Variants in UTP20 observed in about 807,000 individuals in gnomAD.
The protein encoded by UTP20 is small subunit processome component 20 homolog.
A neutral mutation model predicts 329.5 loss-of-function variants in UTP20; 164 were observed. That is an observed-to-expected ratio of 0.50 (90% CI 0.44 to 0.57). The LOEUF (loss-of-function observed/expected upper bound fraction) is 0.57, where lower values mean the gene tolerates loss of function less well. Ranked by LOEUF, UTP20 falls within the 20% of genes least tolerant of loss-of-function variation. The probability of loss-of-function intolerance (pLI) is 0.00; values close to 1 mark genes in which losing one functional copy is unlikely to be tolerated. For missense variants in UTP20, 3,055 were observed against 3,284.2 expected, an observed-to-expected ratio of 0.93 and a Z score of 1.71; for synonymous variants, 1,151 against 1,159.3, an observed-to-expected ratio of 0.99 and a Z score of 0.14.
chr12:101,305,827 T>C, intron 15 of UTP20, 88 bp from the exon 16 acceptor site: 1 of 1,344,170 alleles, frequency 7.4e-7, no homozygotes, highest in Non-Finnish European at 9.7e-7. Context: ...ATTTTCTTCA[T>C]CAGTGATCAT....
Position 101,361,974 on chromosome 12 carries a change from A to C in UTP20, c.5704A>C (p.Thr1902Pro), listed in dbSNP as rs775922525. 12 of 1,613,458 alleles carry C rather than the reference A, an allele frequency of 7.4e-6. No homozygotes were observed. The African/African-American group carries it at 1.5e-4, about 20-fold the overall frequency. ...LVRGYQVHVL[T>P]FTVHMLLQGL... ...TGTCTCATGTTAGGTCCATGTGCTG[A>C]CTTTCACCGTTCACATGCTGCTGCA... The change falls in exon 44 of 62, where the codon ACT becomes CCT. Residue 1902 changes from threonine (T) to proline (P), a missense_variant. Around this residue, in one of 3 missense-constraint regions of UTP20, gnomAD observed 2,445 missense variants for 2,575.5 expected, o/e 0.95. Transcript: ENST00000261637.
At position 101,299,666 on chromosome 12, in the gene UTP20, T is replaced by G. The variant is rs1872462458; in HGVS notation, c.1431-16T>G. On this transcript the variant is annotated splice_polypyrimidine_tract_variant and intron_variant, in intron 12 of 61. Coordinates refer to ENST00000261637, the MANE Select transcript of UTP20 (RefSeq NM_014503.3). ...TACATTCTCTGTTATTTTAAACATTTTTTTTAATCCTTCAGATTCTATATA... is the reference window on the plus strand; with the variant it reads ...TACATTCTCTGTTATTTTAAACATTGTTTTTAATCCTTCAGATTCTATATA... 32 of 1,554,600 alleles carry G rather than the reference T, an allele frequency of 2.1e-5. No homozygotes were observed. The highest frequency in any genetic ancestry group is 2.7e-5 in the Non-Finnish European group (31 of 1,156,080).
At chr12:101,328,529 CAGT>C (rs10604452) in intron 26 of UTP20, among the ~76,000 whole-genome samples, 29,201 of 152,014 alleles carry the variant, frequency 0.19, 3,191 homozygotes, top group East Asian at 0.37. Flanking sequence ...CTGCCAAACT[CAGT>C]AGAGCTGAAT....
At chr12:101,324,328 C>G (rs1417310646) in intron 25 of UTP20, among the ~76,000 whole-genome samples, 1 of 151,864 alleles carries the variant, frequency 6.6e-6, no homozygotes, top group African/African-American at 2.4e-5. Context: ...GCCTCGATCT[C>G]TTGGGCTCGA....
chr12:101,302,196 G>T (rs1201839868), intron 14 of UTP20, among the ~76,000 whole-genome samples: 1 of 152,148 alleles, frequency 6.6e-6, no homozygotes, highest in Non-Finnish European at 1.5e-5. Flanking sequence ...CCCCCAAAGT[G>T]CTGGGATTAC....
chr12:101,334,985 G>C (rs1868887141), intron 29 of UTP20, among the ~76,000 whole-genome samples: 1 of 150,918 alleles, frequency 6.6e-6, no homozygotes, highest in Non-Finnish European at 1.5e-5. Flanking sequence ...AAAAAAAAAA[G>C]ATAAAAAGAT....
chr12:101,306,611 G>A, intron 16 of UTP20, 88 bp from the exon 17 acceptor site: 2 of 1,226,912 alleles, frequency 1.6e-6, no homozygotes, highest in East Asian at 2.4e-5. Context: ...TTTTTAAATT[G>A]TATAAAACTT....
At position 101,291,846 on chromosome 12, in the gene UTP20, T is replaced by C. The variant is rs1354049052; in HGVS notation, c.996T>C (p.His332=). The change falls in exon 9 of 62, where the codon CAT becomes CAC. Residue 332 remains histidine, a synonymous_variant. Transcript: ENST00000261637. The part of the protein sequence containing the change: ...LLETYLILVK[H]GSGTKIPTPA... ...AAACATACCTTATACTTGTAAAACA[T>C]GGAAGTGGGACAAAGATACCCACGC... 1 of 1,613,898 alleles carries C rather than the reference T, an allele frequency of 6.2e-7. No individual in the cohort carries two copies. Among genetic ancestry groups the C allele is most frequent in the South Asian group, 1.1e-5 (1 of 90,970 alleles).
At chr12:101,294,022 AT>A (rs773285111) in intron 11 of UTP20, among the ~76,000 whole-genome samples, 2 of 150,798 alleles carry the variant, frequency 1.3e-5, no homozygotes, top group African/African-American at 4.9e-5. Flanking sequence ...ATTTTTAGCT[AT>A]TTTTTTTCTT....
intron 17 of UTP20, among the ~76,000 whole-genome samples, chr12:101,307,325 A>G (rs1051552669): frequency 2.7e-5 from 4 of 148,614 alleles, no homozygotes; most frequent in Non-Finnish European, 5.9e-5. Flanking sequence ...ACACACACAC[A>G]TAATTTAAAC....
intron 47 of UTP20, 91 bp downstream of exon 47, chr12:101,366,790 T>C (rs1218541395): frequency 1.4e-6 from 2 of 1,449,472 alleles, no homozygotes; most frequent in East Asian, 2.3e-5. Flanking sequence ...CTCACTTCCA[T>C]TGGAAATGCC....
intron 38 of UTP20, among the ~76,000 whole-genome samples, chr12:101,349,103 A>G (rs1869429927): frequency 6.6e-6 from 1 of 151,730 alleles, no homozygotes. Flanking sequence ...TATTATTTCC[A>G]ATGAGAAGTT....
At chr12:101,306,861 A>G in intron 17 of UTP20, 100 bp downstream of exon 17, 1 of 1,188,438 alleles carries the variant, frequency 8.4e-7, no homozygotes, top group East Asian at 2.7e-5. Flanking sequence ...AACACACTAT[A>G]TAAATATCTG....
intron 43 of UTP20, among the ~76,000 whole-genome samples, chr12:101,358,592 A>G (rs1869804889): frequency 6.6e-6 from 1 of 152,184 alleles, no homozygotes; most frequent in Non-Finnish European, 1.5e-5. Flanking sequence ...TCTTTCTTCT[A>G]TGAATGTCTT....
intron 40 of UTP20, among the ~76,000 whole-genome samples, chr12:101,354,135 A>G (rs1029586946): frequency 6.6e-6 from 1 of 151,826 alleles, no homozygotes; most frequent in African/African-American, 2.4e-5. Context: ...GGTGATGCAC[A>G]CTTGTAATCT....
chr12:101,327,103 A>T lies in UTP20; in HGVS notation c.3064A>T (p.Asn1022Tyr), dbSNP rs1230613261. Residue 1022 changes from asparagine to tyrosine, a missense_variant, in exon 26 of 62, where the codon AAT becomes TAT. This residue lies in a region of UTP20 where 2,445 missense variants were observed against 2,575.5 expected (regional missense o/e 0.95). Transcript: ENST00000261637. ...LMRILYGRMK[N>Y]KTGSKTQGKS... is the part of the protein sequence containing the mutation. ...CAGAATTTTGTATGGGCGAATGAAGAATAAGACTGGGAGTAAAACTCAGGG... is the reference window on the plus strand; with the variant it reads ...CAGAATTTTGTATGGGCGAATGAAGTATAAGACTGGGAGTAAAACTCAGGG... 6 of 1,608,260 alleles carry T rather than the reference A, an allele frequency of 3.7e-6. No homozygotes were observed. The highest frequency in any genetic ancestry group is 1.7e-5 in the Admixed American group (1 of 59,840).
intron 11 of UTP20, among the ~76,000 whole-genome samples, chr12:101,295,080 T>C (rs78107545): frequency 0.02 from 2,990 of 152,318 alleles, 61 homozygotes; most frequent in African/African-American, 0.053. Flanking sequence ...AATGTTGTAC[T>C]GGGACTTCCT....
Position 101,334,493 on chromosome 12 carries a change from C to G in UTP20, c.3630C>G (p.Ser1210Arg), listed in dbSNP as rs1375802696. 1 of 1,610,976 alleles carries G rather than the reference C, an allele frequency of 6.2e-7. No individual in the cohort carries two copies. The highest frequency in any genetic ancestry group is 1.3e-5 in the African/African-American group (1 of 74,906). The part of the protein sequence containing the change: ...TPLLKLISIW[S>R]RNARYFPLLA... ...TGCTGAAACTGATCAGTATCTGGAG[C>G]AGAAACGCAAGGTATAACCTTTCTT... is the stretch of plus-strand genomic sequence containing the variant. Residue 1210 changes from serine (S) to arginine (R), a missense_variant, in exon 29 of 62, where the codon AGC becomes AGG. Transcript: ENST00000261637.
chr12:101,306,105 C>T (rs1340240747), intron 16 of UTP20, 40 bp downstream of exon 16: 1 of 1,567,770 alleles, frequency 6.4e-7, no homozygotes, highest in Admixed American at 1.8e-5. Flanking sequence ...AGTCTCTCTT[C>T]TCCTGTTTCT....
Sources: allele counts gnomAD v4.1 joint callset (sites outside exome capture counted in the v4.1 genomes callset), GRCh38; gene constraint gnomAD v4.1.1; regional missense constraint gnomAD v4.1.1; transcripts MANE v1.5; gene names NCBI Gene and HGNC (gene_info 2026-07-23, HGNC 2026-07-21).